The following LRRC52 variants were observed in gnomAD, a reference collection of about 807,000 sequenced individuals.
LRRC52 encodes the protein leucine rich repeat containing 52, also known as leucine-rich repeat-containing protein 52.
Under a neutral mutation model 14.7 loss-of-function variants are expected in LRRC52, and 15 were observed. The observed-to-expected ratio is 1.02, with a 90% CI of 0.68 to 1.58. LRRC52 has a LOEUF of 1.58. LRRC52 is among the 40% of genes most tolerant of loss of function. The pLI is 0.00. For missense variants in LRRC52, 400 were observed against 387.7 expected (o/e 1.03, Z -0.27); for synonymous variants, 180 against 163.9 (o/e 1.10, Z -0.75).
rs769884053 is a variant in LRRC52, at chr1:165,563,655, C to T, written c.773C>T (p.Ala258Val). ...CTCATCGGCTTCTGCATCTTCGCCGCGGGAACTGTGGCTGCCTGGCTCACA... is the reference window on the plus strand; with the variant it reads ...CTCATCGGCTTCTGCATCTTCGCCGTGGGAACTGTGGCTGCCTGGCTCACA... ...LLLIGFCIFA[A>V]GTVAAWLTGV... The change falls in exon 2 of 2, where the codon GCG becomes GTG. Residue 258 changes from alanine (A) to valine (V), a missense_variant. Transcript: ENST00000294818. 2.3e-5 allele frequency: 37 copies of T among 1,614,170 alleles called. No homozygotes were observed. Among genetic ancestry groups the T allele is most frequent in the Admixed American group, 6.7e-5 (4 of 60,034 alleles).
Position 165,548,987 on chromosome 1 carries a change from G to A in LRRC52, c.622+4069G>A, listed in dbSNP as rs74120748. Among the ~76,000 whole-genome samples, 995 of 152,272 alleles carry A rather than the reference G, an allele frequency of 6.5e-3. 3 individuals carry two copies. The highest frequency in any genetic ancestry group is 0.022 in the African/African-American group (929 of 41,546). On this transcript the variant is annotated intron_variant, in intron 1 of 1. Coordinates refer to ENST00000294818, the MANE Select transcript of LRRC52 (RefSeq NM_001005214.4). Reference sequence around the variant, plus strand: ...GAAATATGACTATAGAGATGCAGGCGGGAATATAGATAGAATGTGGGAAGG... The same window carrying A: ...GAAATATGACTATAGAGATGCAGGCAGGAATATAGATAGAATGTGGGAAGG...
intron 1 of LRRC52, among the ~76,000 whole-genome samples, chr1:165,559,283 G>A (rs1490887664): frequency 6.6e-6 from 1 of 152,158 alleles, no homozygotes; most frequent in Non-Finnish European, 1.5e-5. Context: ...CAGCTACTCA[G>A]GAGGCTGAGG....
intron 1 of LRRC52, among the ~76,000 whole-genome samples, chr1:165,552,727 T>A (rs1038905846): frequency 1.3e-5 from 2 of 152,220 alleles, no homozygotes; most frequent in African/African-American, 4.8e-5. Flanking sequence ...TCATTTAACA[T>A]TTGTCTTCCC....
At position 165,554,078 on chromosome 1, in the gene LRRC52, A is replaced by G. The variant is rs887102592; in HGVS notation, c.622+9160A>G. The stretch of plus-strand genomic sequence containing the variant: ...GACTGTGGGCAACAATCTCCATCCA[A>G]CCCAAGTCCTCATGTGCAAAATGCA... On this transcript the variant is annotated intron_variant, in intron 1 of 1. Coordinates refer to ENST00000294818, the MANE Select transcript of LRRC52 (RefSeq NM_001005214.4). Among the ~76,000 whole-genome samples the G allele has an allele frequency of 3.9e-5, 6 of 152,226 alleles. No homozygotes were observed. In the East Asian group the frequency reaches 7.7e-4, roughly 20 times the overall value.
At chr1:165,554,426 G>GGTTGTT (rs140256565) in intron 1 of LRRC52, among the ~76,000 whole-genome samples, 73,055 of 150,478 alleles carry the variant, frequency 0.49, 20,524 homozygotes, top group East Asian at 0.75. Flanking sequence ...AATGATAGGT[G>GGTTGTT]GTTGTTGTTG....
At position 165,544,447 on chromosome 1, in the gene LRRC52, A is replaced by G; in HGVS notation, c.151A>G (p.Ile51Val). Residue 51 changes from isoleucine (I) to valine (V), a missense_variant, in exon 1 of 2, where the codon ATA (isoleucine) becomes GTA (valine). By Grantham distance (29) the Ile-to-Val change is conservative. Transcript: ENST00000294818. ...GKQLTEYPLDIPLNTRRLFLN... is the reference protein window; with the variant it reads ...GKQLTEYPLDVPLNTRRLFLN... ...GCAGTTAACCGAATACCCCCTTGAC[A>G]TACCCCTGAACACCCGGAGGCTGTT... 2 of 1,614,156 alleles carry G rather than the reference A, an allele frequency of 1.2e-6. No homozygotes were observed. Among genetic ancestry groups the G allele is most frequent in the African/African-American group, 1.3e-5 (1 of 75,032 alleles).
At chr1:165,545,526 C>T (rs1311530049) in intron 1 of LRRC52, among the ~76,000 whole-genome samples, 1 of 152,084 alleles carries the variant, frequency 6.6e-6, no homozygotes, top group Admixed American at 6.5e-5. Flanking sequence ...TTTGAAGATG[C>T]TGGCCTCCTA....
rs1255950075 is a variant in LRRC52 at position 165,563,923 on chromosome 1, C to T, written c.*99C>T. 7.9e-7 allele frequency: 1 copy of T among 1,263,934 alleles called. No homozygotes were observed. The highest frequency in any genetic ancestry group is 1.1e-6 in the Non-Finnish European group (1 of 905,126). The allele number at this position is 1,263,934 out of a possible 1,614,324, so 78.3% of individuals were successfully genotyped here. The stretch of plus-strand genomic sequence containing the variant: ...CTTGGAGCTGTCATAGAGATTGAAA[C>T]CTTCTAGTAAAATAAATAAAATCTC... On this transcript the variant is annotated 3_prime_UTR_variant, in exon 2 of 2. Coordinates refer to ENST00000294818, the MANE Select transcript of LRRC52 (RefSeq NM_001005214.4).
intron 1 of LRRC52, among the ~76,000 whole-genome samples, chr1:165,545,593 A>G (rs1223685122): frequency 8.8e-6 from 1 of 113,162 alleles, no homozygotes. Flanking sequence ...CACTGTGTCA[A>G]GCAGAGAGAT....
At chr1:165,554,046 A>G (rs1294388170) in intron 1 of LRRC52, among the ~76,000 whole-genome samples, 1 of 152,170 alleles carries the variant, frequency 6.6e-6, no homozygotes, top group African/African-American at 2.4e-5. Flanking sequence ...TCACTTGCCG[A>G]CTACTTGACT....
Position 165,563,953 on chromosome 1 carries a change from G to C in LRRC52, c.*129G>C, listed in dbSNP as rs1661403369. The C allele has an allele frequency of 1.0e-6, 1 of 988,908 alleles. No homozygotes were observed. Among genetic ancestry groups the C allele is most frequent in the South Asian group, 1.7e-5 (1 of 59,040 alleles). 61.3% of individuals were successfully genotyped at this position (988,908 alleles called of 1,614,324 possible). A position where few individuals can be genotyped will look rare whatever the true frequency, so the allele number is the denominator to read the frequency against. The stretch of plus-strand genomic sequence containing the variant: ...TAGTAAAATAAATAAAATCTCTGAT[G>C]GCCATTTCACAGGTTGGTCCCTTCC... On this transcript the variant is annotated 3_prime_UTR_variant, in exon 2 of 2. Coordinates refer to ENST00000294818, the MANE Select transcript of LRRC52 (RefSeq NM_001005214.4).
At chr1:165,562,269 A>G (rs1661359025) in intron 1 of LRRC52, among the ~76,000 whole-genome samples, 2 of 152,270 alleles carry the variant, frequency 1.3e-5, no homozygotes, top group African/African-American at 4.8e-5. Context: ...TAAATGAGAT[A>G]TTTGTAAATA....
At chr1:165,563,375 C>G (rs929921486) in intron 1 of LRRC52, 130 bp from the exon 2 acceptor site, 2 of 741,624 alleles carry the variant, frequency 2.7e-6, no homozygotes, top group East Asian at 5.4e-5. Context: ...CAGGTGATGT[C>G]GATGCTGCTG....
chr1:165,552,921 C>T (rs1661162754), intron 1 of LRRC52, among the ~76,000 whole-genome samples: 1 of 152,100 alleles, frequency 6.6e-6, no homozygotes, highest in Non-Finnish European at 1.5e-5. Flanking sequence ...GCTTTGCTGA[C>T]ATAAACACAC....
intron 1 of LRRC52, among the ~76,000 whole-genome samples, chr1:165,561,610 G>A (rs1272817439): frequency 1.3e-5 from 2 of 152,210 alleles, no homozygotes; most frequent in Admixed American, 1.3e-4. Flanking sequence ...CTCTGGTGGG[G>A]CAGGTTTGCC....
At chr1:165,558,674 A>T (rs192190105) in intron 1 of LRRC52, among the ~76,000 whole-genome samples, 26 of 152,090 alleles carry the variant, frequency 1.7e-4, no homozygotes, top group African/African-American at 4.3e-4. Flanking sequence ...TGATTTTTTT[A>T]AAAAAAGGAG....
rs1660967901 is a variant in LRRC52, at chr1:165,544,365, G to T, written c.69G>T (p.Gly23=). 1 of 1,613,962 alleles carries T rather than the reference G, an allele frequency of 6.2e-7. No homozygotes were observed. Among genetic ancestry groups the T allele is most frequent in the South Asian group, 1.1e-5 (1 of 91,078 alleles). The part of the protein sequence containing the change: ...LFSFGMGLVS[G]SKCPNNCLCQ... The stretch of plus-strand genomic sequence containing the variant: ...CCTTTGGAATGGGGCTGGTATCAGG[G>T]TCAAAGTGTCCAAATAATTGTCTGT... The change falls in exon 1 of 2, where the codon GGG becomes GGT. Residue 23 remains glycine, a synonymous_variant. Transcript: ENST00000294818.
Position 165,544,646 on chromosome 1 carries a change from C to T in LRRC52, c.350C>T (p.Ser117Phe). Residue 117 changes from serine to phenylalanine, a missense_variant, in exon 1 of 2, where the codon TCC becomes TTC. Ser to Phe is a radical substitution (Grantham distance 155). Coordinates refer to ENST00000294818, the MANE Select transcript of LRRC52 (RefSeq NM_001005214.4). ...DLSSNNLTSI[S>F]PFTFSVLSNL... Reference sequence around the variant, plus strand: ...AGCTCCAACAACCTAACCTCGATCTCCCCATTCACTTTCTCGGTGCTCAGC... The same window carrying T: ...AGCTCCAACAACCTAACCTCGATCTTCCCATTCACTTTCTCGGTGCTCAGC... The T allele has an allele frequency of 6.2e-7, 1 of 1,613,930 alleles. No homozygotes were observed. The highest frequency in any genetic ancestry group is 8.5e-7 in the Non-Finnish European group (1 of 1,179,990).
intron 1 of LRRC52, among the ~76,000 whole-genome samples, chr1:165,549,958 T>A (rs1020289865): frequency 3.3e-5 from 5 of 150,540 alleles, no homozygotes; most frequent in Non-Finnish European, 7.4e-5. Context: ...TGTAGTCATT[T>A]TTTTAAACAC....
Sources: allele counts gnomAD v4.1 joint callset (sites outside exome capture counted in the v4.1 genomes callset), GRCh38; gene constraint gnomAD v4.1.1; transcripts MANE v1.5; gene names NCBI Gene and HGNC (gene_info 2026-07-23, HGNC 2026-07-21).